The following ABCD3 variants were observed in gnomAD, a reference collection of about 807,000 sequenced individuals.
The protein encoded by ABCD3 is ATP-binding cassette sub-family D member 3.
Under a neutral mutation model 105.5 loss-of-function variants are expected in ABCD3, and 41 were observed. The observed-to-expected ratio is 0.39, with a 90% CI of 0.30 to 0.50. ABCD3 has a LOEUF of 0.50. ABCD3 is among the 20% of genes least tolerant of loss of function. The pLI is 0.84. For missense variants in ABCD3, 622 were observed against 806.3 expected (o/e 0.77, Z 2.77); for synonymous variants, 258 against 269.0 (o/e 0.96, Z 0.40).
the ABCD3 span, among the ~76,000 whole-genome samples, chr1:94,399,384 T>A: frequency 6.6e-6 from 1 of 152,248 alleles, no homozygotes; most frequent in African/African-American, 2.4e-5. Flanking sequence ...TGTGTGAGTA[T>A]GTAAGGGCTT....
At chr1:94,415,078 C>G (rs1276775375), upstream of ABCD3, among the ~76,000 whole-genome samples, 1 of 152,178 alleles carries the variant, frequency 6.6e-6, no homozygotes, top group African/African-American at 2.4e-5. Flanking sequence ...TTTGAGTGCT[C>G]TCTGTGGCAG....
intron 15 of ABCD3, 100 bp downstream of exon 15, chr1:94,490,075 T>A: frequency 8.5e-7 from 1 of 1,174,342 alleles, no homozygotes; most frequent in East Asian, 2.4e-5. Context: ...TAAAATTATT[T>A]CTGCTTTTTT....
At chr1:94,418,328 C>T (rs1659101471), upstream of ABCD3, 3 of 510,106 alleles carry the variant, frequency 5.9e-6, no homozygotes, top group Non-Finnish European at 9.6e-6. Flanking sequence ...AGAGCGCGGG[C>T]GGCGCGGCGG....
In ABCD3 at chr1:94,475,124, A is replaced by ATTTG. The variant is rs758947202; in HGVS notation, c.406-7_406-4dup. ...AGAAATGAAAAGCAAAACCAATAATATTTGTTTGTTTGTTTTAGATCTCTC... is the reference window on the plus strand; with the variant it reads ...AGAAATGAAAAGCAAAACCAATAATATTTGTTTGTTTGTTTGTTTTAGATCTCTC... On this transcript the variant is annotated intron_variant, in intron 5 of 22. Transcript: ENST00000370214. 6 of 1,476,690 alleles carry ATTTG rather than the reference A, an allele frequency of 4.1e-6. No individual in the cohort carries two copies. The highest frequency in any genetic ancestry group is 3.5e-5 in the Admixed American group (2 of 56,392). 91.5% of individuals were successfully genotyped at this position (1,476,690 alleles called of 1,614,324 possible). A position where few individuals can be genotyped will look rare whatever the true frequency, so the allele number is the denominator to read the frequency against.
intron 1 of ABCD3, among the ~76,000 whole-genome samples, chr1:94,446,080 A>T (rs1454307334): frequency 6.6e-6 from 1 of 152,254 alleles, no homozygotes; most frequent in African/African-American, 2.4e-5. Context: ...AGGCTGCCAG[A>T]TAGGGGAAAA....
chr1:94,465,598 G>C (rs1648098579), intron 3 of ABCD3, among the ~76,000 whole-genome samples: 3 of 152,096 alleles, frequency 2.0e-5, no homozygotes, highest in African/African-American at 7.2e-5. Context: ...AATTTCAAAA[G>C]ACAAACCCTT....
chr1:94,476,537 GA>G (rs1648749462), intron 7 of ABCD3, among the ~76,000 whole-genome samples: 1 of 152,156 alleles, frequency 6.6e-6, no homozygotes, highest in Non-Finnish European at 1.5e-5. Flanking sequence ...CTGGACCAAT[GA>G]TAGTATCTTT....
At chr1:94,436,196 C>T (rs545294043) in intron 1 of ABCD3, among the ~76,000 whole-genome samples, 15 of 152,250 alleles carry the variant, frequency 9.9e-5, no homozygotes, top group East Asian at 1.9e-4. Context: ...GACAGAGCCA[C>T]GATATGCATA....
At chr1:94,399,381 G>A in the ABCD3 span, among the ~76,000 whole-genome samples, 1 of 152,196 alleles carries the variant, frequency 6.6e-6, no homozygotes, top group Admixed American at 6.5e-5. Context: ...ACATGTGTGA[G>A]TATGTAAGGG....
At chr1:94,509,471 T>A (rs916580080) in intron 21 of ABCD3, among the ~76,000 whole-genome samples, 1 of 152,096 alleles carries the variant, frequency 6.6e-6, no homozygotes, top group Non-Finnish European at 1.5e-5. Context: ...TGTCTCTGCC[T>A]GGCTTTGGTA....
At position 94,518,292 on chromosome 1, in the gene ABCD3, T is replaced by C. The variant is rs1651019345; in HGVS notation, c.*1163T>C. ...AACTGAGTATAATCAATAAGCTAGATACGAAATCAGTTTCTCAAACTGAGC... is the reference window on the plus strand; with the variant it reads ...AACTGAGTATAATCAATAAGCTAGACACGAAATCAGTTTCTCAAACTGAGC... On this transcript the variant is annotated 3_prime_UTR_variant, in exon 23 of 23. Coordinates refer to ENST00000370214, the MANE Select transcript of ABCD3 (RefSeq NM_002858.4). 3 of 152,402 alleles carry C rather than the reference T, an allele frequency of 2.0e-5. No individual in the cohort carries two copies. The highest frequency in any genetic ancestry group is 7.2e-5 in the African/African-American group (3 of 41,542). The allele number at this position is 152,402 out of a possible 1,614,324, so 9.4% of individuals were successfully genotyped here. A position where few individuals can be genotyped will look rare whatever the true frequency, so the allele number is the denominator to read the frequency against.
At chr1:94,502,758 C>G (rs772130567) in intron 20 of ABCD3, among the ~76,000 whole-genome samples, 4 of 152,128 alleles carry the variant, frequency 2.6e-5, no homozygotes, top group Non-Finnish European at 5.9e-5. Context: ...CTTCGACCTC[C>G]CAATGTGCTG....
At chr1:94,416,219 T>G (rs950281824), upstream of ABCD3, among the ~76,000 whole-genome samples, 8 of 152,224 alleles carry the variant, frequency 5.3e-5, no homozygotes, top group African/African-American at 1.9e-4. Context: ...AGCACTTTAT[T>G]ACTGAATTAG....
the ABCD3 span, among the ~76,000 whole-genome samples, chr1:94,401,452 A>G: frequency 1.3e-5 from 2 of 152,250 alleles, no homozygotes; most frequent in Admixed American, 6.5e-5. Flanking sequence ...ACAACAACAT[A>G]GGCATCTTTC....
At chr1:94,437,256 G>A (rs1411169892) in intron 1 of ABCD3, among the ~76,000 whole-genome samples, 1 of 152,194 alleles carries the variant, frequency 6.6e-6, no homozygotes, top group Non-Finnish European at 1.5e-5. Flanking sequence ...ATGCCACCTA[G>A]GACTTTCATA....
At chr1:94,418,048 G>C (rs540447826), upstream of ABCD3, among the ~76,000 whole-genome samples, 1 of 152,302 alleles carries the variant, frequency 6.6e-6, no homozygotes, top group East Asian at 1.9e-4. Flanking sequence ...CGGGAGTGGA[G>C]AGGCAGGGCC....
At chr1:94,411,498 G>A in the ABCD3 span, among the ~76,000 whole-genome samples, 1 of 152,210 alleles carries the variant, frequency 6.6e-6, no homozygotes, top group Non-Finnish European at 1.5e-5. Flanking sequence ...TGTTGGCAAG[G>A]ATGTGGAGAT....
the ABCD3 span, among the ~76,000 whole-genome samples, chr1:94,387,351 T>A: frequency 2.0e-5 from 3 of 152,168 alleles, no homozygotes; most frequent in East Asian, 1.9e-4. Context: ...GGCATTTTTT[T>A]AAAAGACACT....
chr1:94,391,066 GA>G, the ABCD3 span, among the ~76,000 whole-genome samples: 1 of 152,056 alleles, frequency 6.6e-6, no homozygotes, highest in Non-Finnish European at 1.5e-5. Context: ...TCCTTTTGGG[GA>G]ATATTTATCA....
Sources: gnomAD v4.1 joint callset for allele counts (sites outside exome capture counted in the v4.1 genomes callset) on GRCh38, gnomAD v4.1.1 for gene constraint, MANE v1.5 for transcripts, NCBI Gene and HGNC (gene_info 2026-07-23, HGNC 2026-07-21) for gene names.